Variants in ATXN1 observed in about 807,000 individuals in gnomAD.
ATXN1 encodes the protein ataxin-1.
A neutral mutation model predicts 56.4 loss-of-function variants in ATXN1; 8 were observed. That is an observed-to-expected ratio of 0.14 (90% CI 0.08 to 0.26). The LOEUF is 0.26. ATXN1 is among the 10% of genes least tolerant of loss of function. The pLI is 1.00. For missense variants in ATXN1, 987 were observed against 1,106.5 expected, an observed-to-expected ratio of 0.89 and a Z score of 1.53; for synonymous variants, 514 against 494.6, an observed-to-expected ratio of 1.04 and a Z score of -0.52.
At chr6:16,680,392 T>C (rs1194066203) in intron 2 of ATXN1, among the ~76,000 whole-genome samples, 2 of 152,236 alleles carry the variant, frequency 1.3e-5, no homozygotes, top group Non-Finnish European at 2.9e-5. Context: ...TAATCTACAG[T>C]GTGCTGAGTT....
At chr6:16,545,171 C>T (rs1761791691) in intron 4 of ATXN1, among the ~76,000 whole-genome samples, 1 of 151,994 alleles carries the variant, frequency 6.6e-6, no homozygotes, top group Admixed American at 6.5e-5. Context: ...TCATAATTCA[C>T]GTTTGATTTG....
At chr6:16,754,962 C>A (rs1203384169) in intron 1 of ATXN1, among the ~76,000 whole-genome samples, 1 of 152,170 alleles carries the variant, frequency 6.6e-6, no homozygotes, top group African/African-American at 2.4e-5. Flanking sequence ...AATTAAGCAT[C>A]AAAATACTTG....
rs140498392 is a variant in ATXN1, at chr6:16,729,246, A to G, written c.-615+23987T>C. On this transcript the variant is annotated intron_variant, in intron 2 of 7. Coordinates refer to ENST00000436367, the MANE Select transcript of ATXN1 (RefSeq NM_001128164.2). ...TTATTCTCCCAAGGTGTATATTTAT[A>G]TGTTTTGCAAAGTAGCCAAAGGCAG... Among the ~76,000 whole-genome samples the G allele has an allele frequency of 8.5e-5, 13 of 152,318 alleles. No individual in the cohort carries two copies. In the East Asian group the frequency reaches 2.5e-3, roughly 29 times the overall value.
At chr6:16,371,872 C>A (rs1762048866) in intron 6 of ATXN1, among the ~76,000 whole-genome samples, 1 of 152,112 alleles carries the variant, frequency 6.6e-6, no homozygotes, top group African/African-American at 2.4e-5. Flanking sequence ...AGCCACCATG[C>A]CCAGCCCATA....
chr6:16,424,303 G>A (rs1168548288), intron 6 of ATXN1, among the ~76,000 whole-genome samples: 2 of 152,202 alleles, frequency 1.3e-5, no homozygotes, highest in Non-Finnish European at 2.9e-5. Flanking sequence ...GCATGCGCAT[G>A]AATGGAGCCT....
rs571657309 is a variant in ATXN1 at position 16,611,355 on chromosome 6, A to C, written c.-488-25448T>G. The stretch of plus-strand genomic sequence containing the variant: ...ACTAGAAGATTAAATATAAGGTATG[A>C]GTATTACAGACAGTAAATCATATCA... On this transcript the variant is annotated intron_variant, in intron 3 of 7. Coordinates refer to ENST00000436367, the MANE Select transcript of ATXN1 (RefSeq NM_001128164.2). 5.8e-4 allele frequency among the ~76,000 whole-genome samples: 88 copies of C among 152,366 alleles called. 1 individual carries two copies. Among genetic ancestry groups the C allele is most frequent in the African/African-American group, 2.0e-3 (83 of 41,598 alleles).
chr6:16,530,674 A>T lies in ATXN1; in HGVS notation c.-360-7986T>A, dbSNP rs564065081. 2.0e-5 allele frequency among the ~76,000 whole-genome samples: 3 copies of T among 152,344 alleles called. 1 individual carries two copies. The South Asian group carries it at 6.2e-4, about 32-fold the overall frequency. ...GTTACTAGGCTTAGTACCTGGTGAC[A>T]AAATAATCTGTAAAACAAACCCCCA... is the stretch of plus-strand genomic sequence containing the variant. On this transcript the variant is annotated intron_variant, in intron 4 of 7. Transcript: ENST00000436367.
rs919050085 is a variant in ATXN1 at position 16,376,004 on chromosome 6, A to G, written c.-160-47534T>C. Among the ~76,000 whole-genome samples the G allele has an allele frequency of 2.6e-5, 4 of 152,400 alleles. No homozygotes were observed. In the East Asian group the frequency reaches 5.8e-4, roughly 22 times the overall value. ...CACAAGCCCTGGGCACTGGTGCCCC[A>G]TGGCACAGCTGCCTGCGGGATGGCA... On this transcript the variant is annotated intron_variant, in intron 6 of 7. Coordinates refer to ENST00000436367, the MANE Select transcript of ATXN1 (RefSeq NM_001128164.2).
At chr6:16,705,978 A>T (rs940666637) in intron 2 of ATXN1, among the ~76,000 whole-genome samples, 1 of 151,962 alleles carries the variant, frequency 6.6e-6, no homozygotes, top group African/African-American at 2.4e-5. Flanking sequence ...TGCTTGGCTC[A>T]CAAGGGCCCT....
At chr6:16,488,476 G>C (rs369733928) in intron 5 of ATXN1, among the ~76,000 whole-genome samples, 2 of 152,100 alleles carry the variant, frequency 1.3e-5, no homozygotes, top group East Asian at 1.9e-4. Flanking sequence ...TTGGTTCAGT[G>C]GTCTGTTTAC....
Position 16,302,449 on chromosome 6 carries a change from T to C in ATXN1, c.*3880A>G, listed in dbSNP as rs1581675251. ...ACGAAAAGTTGACCAACATAGAAAA[T>C]TATCCTGAAAGTCCAAATGAAAATT... On this transcript the variant is annotated 3_prime_UTR_variant, in exon 8 of 8. Transcript: ENST00000436367. The C allele has an allele frequency of 3.9e-5, 6 of 152,690 alleles. 2 individuals carry two copies. The highest frequency in any genetic ancestry group is 3.9e-4 in the Admixed American group (6 of 15,302). The allele number at this position is 152,690 out of a possible 1,614,324, so 9.5% of individuals were successfully genotyped here.
chr6:16,610,526 G>T (rs555144351), intron 3 of ATXN1, among the ~76,000 whole-genome samples: 261 of 152,054 alleles, frequency 1.7e-3, no homozygotes, highest in Middle Eastern at 3.4e-3. Flanking sequence ...TAATGGCAAA[G>T]GGTTCTGATA....
At chr6:16,712,385 A>G (rs1450681226) in intron 2 of ATXN1, among the ~76,000 whole-genome samples, 1 of 152,168 alleles carries the variant, frequency 6.6e-6, no homozygotes, top group Non-Finnish European at 1.5e-5. Flanking sequence ...ACAGCCACGC[A>G]AGGCAGACAG....
rs116475331 is a variant in ATXN1, at chr6:16,466,668, T to C, written c.-161+19304A>G. ...CGGAAAAGTAGATCAAGCACGATTC[T>C]ATTTCTGTAAAGCTACATGTATTTA... On this transcript the variant is annotated intron_variant, in intron 6 of 7. Transcript: ENST00000436367. Among the ~76,000 whole-genome samples, 1,290 of 152,286 alleles carry C rather than the reference T, an allele frequency of 8.5e-3. 5 individuals carry two copies. Among genetic ancestry groups the C allele is most frequent in the Non-Finnish European group, 0.014 (986 of 68,034 alleles).
Position 16,431,042 on chromosome 6 carries a change from C to T in ATXN1, c.-161+54930G>A, listed in dbSNP as rs912082536. Among the ~76,000 whole-genome samples the T allele has an allele frequency of 1.2e-4, 6 of 52,090 alleles. No homozygotes were observed. In the East Asian group the frequency reaches 0.31, roughly 2,713 times the overall value. The allele number at this position is 52,090 out of a possible 152,430, so 34.2% of individuals were successfully genotyped here. ...TTCTATGACCTTCCTCAGCACAGTCCGGAATGCACATGTACGGTATCAGAG... is the reference window on the plus strand; with the variant it reads ...TTCTATGACCTTCCTCAGCACAGTCTGGAATGCACATGTACGGTATCAGAG... On this transcript the variant is annotated intron_variant, in intron 6 of 7. Transcript: ENST00000436367.
At chr6:16,727,074 C>T (rs949498001) in intron 2 of ATXN1, among the ~76,000 whole-genome samples, 1 of 152,102 alleles carries the variant, frequency 6.6e-6, no homozygotes, top group Non-Finnish European at 1.5e-5. Context: ...TTATGAAGTG[C>T]CTGCTCTGGT....
At chr6:16,382,258 C>T (rs941884258) in intron 6 of ATXN1, among the ~76,000 whole-genome samples, 17 of 151,280 alleles carry the variant, frequency 1.1e-4, no homozygotes, top group African/African-American at 3.9e-4. Flanking sequence ...TGGGATCACA[C>T]TACTGCACTC....
At position 16,657,080 on chromosome 6, in the gene ATXN1, T is replaced by C. The variant is rs574600362; in HGVS notation, c.-489+696A>G. ...CTCACTGCAAGCTCTGCCTCCCAGG[T>C]TCACGCCATTCTGCTGCCTCAGCCT... is the stretch of plus-strand genomic sequence containing the variant. On this transcript the variant is annotated intron_variant, in intron 3 of 7. Coordinates refer to ENST00000436367, the MANE Select transcript of ATXN1 (RefSeq NM_001128164.2). Among the ~76,000 whole-genome samples the C allele has an allele frequency of 1.6e-3, 165 of 101,898 alleles. 2 individuals are homozygous for C. In the South Asian group the frequency reaches 0.025, roughly 15 times the overall value. The allele number at this position is 101,898 out of a possible 152,430, so 66.8% of individuals were successfully genotyped here.
chr6:16,622,655 CATG>C (rs1763339157), intron 3 of ATXN1, among the ~76,000 whole-genome samples: 1 of 152,152 alleles, frequency 6.6e-6, no homozygotes, highest in Non-Finnish European at 1.5e-5. Context: ...GTTCTGCATG[CATG>C]ATTTCTTTTT....
Sources: gnomAD v4.1 joint callset for allele counts (sites outside exome capture counted in the v4.1 genomes callset) on GRCh38, gnomAD v4.1.1 for gene constraint, MANE v1.5 for transcripts, NCBI Gene and HGNC (gene_info 2026-07-23, HGNC 2026-07-21) for gene names.